Variants in MYO1F observed in about 807,000 individuals in gnomAD.
MYO1F encodes unconventional myosin-If.
A neutral mutation model predicts 146.6 loss-of-function variants in MYO1F; 60 were observed. That is an observed-to-expected ratio of 0.41 (90% CI 0.33 to 0.51). The LOEUF (loss-of-function observed/expected upper bound fraction) is 0.51, where lower values mean the gene tolerates loss of function less well. Among genes scored for constraint, MYO1F ranks in the 20% least tolerant of loss-of-function variants. MYO1F has a pLI of 0.25. For missense variants in MYO1F, 1,274 were observed against 1,534.3 expected, an observed-to-expected ratio of 0.83 and a Z score of 2.83; for synonymous variants, 602 against 602.1, an observed-to-expected ratio of 1.00 and a Z score of 0.00.
At chr19:8,573,229 T>G (rs1352046597) in intron 1 of MYO1F, among the ~76,000 whole-genome samples, 1 of 151,994 alleles carries the variant, frequency 6.6e-6, no homozygotes, top group Non-Finnish European at 1.5e-5. Context: ...GAGAATGGCA[T>G]GAACCTAGGA....
rs1365160671 is a variant in MYO1F, at chr19:8,550,325, A to G, written c.936T>C (p.Ile312=). The change falls in exon 10 of 28, where the codon ATT becomes ATC. Residue 312 remains isoleucine, a synonymous_variant. Transcript: ENST00000644032. The stretch of plus-strand genomic sequence containing the variant: ...GCTTCTCCTGCAGTCGCCCGCTGTC[A>G]ATGCCCAGCAGGTAGGCGGGAAAGG... ...LLAFPAYLLG[I]DSGRLQEKLT... 2 of 1,613,554 alleles carry G rather than the reference A, an allele frequency of 1.2e-6. No individual in the cohort carries two copies. Among genetic ancestry groups the G allele is most frequent in the African/African-American group, 1.3e-5 (1 of 74,918 alleles).
chr19:8,554,657 G>A lies in MYO1F; in HGVS notation c.228C>T (p.Gly76=), dbSNP rs753018608. 1.2e-6 allele frequency: 2 copies of A among 1,613,890 alleles called. No individual in the cohort carries two copies. The highest frequency in any genetic ancestry group is 2.2e-5 in the East Asian group (1 of 44,852). Reference sequence around the variant, plus strand: ...TCCCACCCAGCCCCAGCCTCACCGCGCCCTGATAGAGGTCGATCTCACGGT... The same window carrying A: ...TCCCACCCAGCCCCAGCCTCACCGCACCCTGATAGAGGTCGATCTCACGGT... ...FTDREIDLYQ[G]AAQYENPPHI... The change falls in exon 3 of 28, where the codon GGC becomes GGT. Residue 76 remains glycine, a synonymous_variant. Coordinates refer to ENST00000644032, the MANE Select transcript of MYO1F (RefSeq NM_012335.4).
At chr19:8,561,948 C>CTCGT (rs767158437) in intron 1 of MYO1F, among the ~76,000 whole-genome samples, 4 of 151,948 alleles carry the variant, frequency 2.6e-5, no homozygotes, top group Non-Finnish European at 5.9e-5. Flanking sequence ...AACTCCTGAC[C>CTCGT]TCGTGATCCA....
intron 1 of MYO1F, among the ~76,000 whole-genome samples, chr19:8,567,886 G>T (rs1255007286): frequency 6.6e-6 from 1 of 152,218 alleles, no homozygotes; most frequent in Non-Finnish European, 1.5e-5. Context: ...GCAGGCTTCA[G>T]CCTGCCAGGC....
intron 6 of MYO1F, 41 bp downstream of exon 6, chr19:8,553,098 C>G (rs1170760259): frequency 7.6e-6 from 12 of 1,578,670 alleles, no homozygotes; most frequent in Non-Finnish European, 9.6e-6. Flanking sequence ...AAGGTCAGCA[C>G]GGAGGGAGCA....
chr19:8,551,610 C>G (rs1973614061), intron 8 of MYO1F, 130 bp downstream of exon 8: 1 of 1,414,004 alleles, frequency 7.1e-7, no homozygotes. Context: ...CCTCGGCCTC[C>G]CAAAGTGCTG....
chr19:8,573,188 G>A (rs1555732383), intron 1 of MYO1F, among the ~76,000 whole-genome samples: 1 of 152,058 alleles, frequency 6.6e-6, no homozygotes, highest in East Asian at 1.9e-4. Context: ...GCGGGCGCCT[G>A]TAGTCCCAGC....
At chr19:8,535,574 G>A (rs776764087) in intron 19 of MYO1F, among the ~76,000 whole-genome samples, 1 of 151,878 alleles carries the variant, frequency 6.6e-6, no homozygotes, top group Non-Finnish European at 1.5e-5. Context: ...CTGACTTGGT[G>A]CTAGTTTTAT....
intron 1 of MYO1F, among the ~76,000 whole-genome samples, chr19:8,574,470 G>A (rs2042165825): frequency 6.6e-6 from 1 of 152,108 alleles, no homozygotes; most frequent in Admixed American, 6.6e-5. Context: ...TTTTTCCATG[G>A]ACCATGGAGC....
intron 1 of MYO1F, among the ~76,000 whole-genome samples, chr19:8,564,008 A>C (rs909721113): frequency 6.6e-6 from 1 of 152,168 alleles, no homozygotes; most frequent in Non-Finnish European, 1.5e-5. Context: ...ATTCTTTTTG[A>C]AACTATGGGA....
In MYO1F at chr19:8,521,346, G is replaced by A; in HGVS notation, c.*182C>T. The A allele has an allele frequency of 1.5e-6, 1 of 663,410 alleles. No individual in the cohort carries two copies. The allele number at this position is 663,410 out of a possible 1,614,324, so 41.1% of individuals were successfully genotyped here. On this transcript the variant is annotated 3_prime_UTR_variant, in exon 28 of 28. Coordinates refer to ENST00000644032, the MANE Select transcript of MYO1F (RefSeq NM_012335.4). ...ATGTTGGAGGAAGACCAGGGCCCAG[G>A]GGCGGGGGCTGCAGCAGTGACCTGG...
At position 8,553,022 on chromosome 19, in the gene MYO1F, G is replaced by A. The variant is rs573439055; in HGVS notation, c.504+117C>T. The A allele has an allele frequency of 1.9e-4, 192 of 996,022 alleles. 3 individuals carry two copies. The South Asian group carries it at 2.4e-3, about 13-fold the overall frequency. 61.7% of individuals were successfully genotyped at this position (996,022 alleles called of 1,614,324 possible). A position where few individuals can be genotyped will look rare whatever the true frequency, so the allele number is the denominator to read the frequency against. ...TCCCCTTCAGGAGTAGGTATTTCCT[G>A]CTGGGTTTTCAATGGACTCTTGTCT... On this transcript the variant is annotated intron_variant, in intron 6 of 27. Coordinates refer to ENST00000644032, the MANE Select transcript of MYO1F (RefSeq NM_012335.4).
rs574468128 is a variant in MYO1F, at chr19:8,531,730, G to A, written c.2044-1157C>T. Reference sequence around the variant, plus strand: ...GTATGATGTCACGGTTTCTTACACTGTTACTCGACACTATCCACGAGGTAC... The same window carrying A: ...GTATGATGTCACGGTTTCTTACACTATTACTCGACACTATCCACGAGGTAC... On this transcript the variant is annotated intron_variant, in intron 19 of 27. Transcript: ENST00000644032. Among the ~76,000 whole-genome samples, 33 of 152,306 alleles carry A rather than the reference G, an allele frequency of 2.2e-4. 1 individual carries two copies. Among genetic ancestry groups the A allele is most frequent in the Admixed American group, 1.3e-3 (20 of 15,292 alleles).
intron 16 of MYO1F, among the ~76,000 whole-genome samples, chr19:8,539,271 G>A (rs1464392081): frequency 3.3e-5 from 5 of 152,018 alleles, no homozygotes; most frequent in East Asian, 1.9e-4. Context: ...AAAATTAGCC[G>A]GGCATGGTGG....
At chr19:8,527,209 T>A in intron 22 of MYO1F, 129 bp downstream of exon 22, 1 of 1,304,048 alleles carries the variant, frequency 7.7e-7, no homozygotes, top group Non-Finnish European at 1.1e-6. Context: ...ACATGACAGG[T>A]GGGGCCAACA....
At chr19:8,546,222 G>A (rs1568353224) in intron 12 of MYO1F, among the ~76,000 whole-genome samples, 1 of 151,398 alleles carries the variant, frequency 6.6e-6, no homozygotes. Context: ...GTGCCACCAC[G>A]CCGGACTAAT....
At chr19:8,539,635 TTA>T (rs1021483472) in intron 16 of MYO1F, among the ~76,000 whole-genome samples, 10 of 152,102 alleles carry the variant, frequency 6.6e-5, no homozygotes, top group Non-Finnish European at 1.5e-4. Context: ...ATGATAAATT[TTA>T]TGTCATGTAT....
chr19:8,543,375 C>T (rs77275384), intron 14 of MYO1F, among the ~76,000 whole-genome samples: 3,155 of 151,984 alleles, frequency 0.021, 109 homozygotes, highest in African/African-American at 0.072. Flanking sequence ...GGCTTCAGCA[C>T]ATTTTGAAGG....
chr19:8,527,333 T>A lies in MYO1F; in HGVS notation c.2474+5A>T. 1 of 1,613,994 alleles carries A rather than the reference T, an allele frequency of 6.2e-7. No homozygotes were observed. The highest frequency in any genetic ancestry group is 1.1e-5 in the South Asian group (1 of 91,070). On this transcript the variant is annotated splice_donor_5th_base_variant and intron_variant, in intron 22 of 27. Transcript: ENST00000644032. ...ACTGTGCGGCAGGTAAGGACCTGGCTTCACCTGAGGGAGACTCCCCGCAGA... is the reference window on the plus strand; with the variant it reads ...ACTGTGCGGCAGGTAAGGACCTGGCATCACCTGAGGGAGACTCCCCGCAGA...
Sources: allele counts gnomAD v4.1 joint callset (sites outside exome capture counted in the v4.1 genomes callset), GRCh38; gene constraint gnomAD v4.1.1; transcripts MANE v1.5; gene names NCBI Gene and HGNC (gene_info 2026-07-23, HGNC 2026-07-21).